Variants in PDZD2 observed in about 807,000 individuals in gnomAD.
PDZD2 encodes the protein PDZ domain-containing protein 2.
Under a neutral mutation model 220.7 loss-of-function variants are expected in PDZD2, and 90 were observed. That is an observed-to-expected ratio of 0.41 (90% CI 0.34 to 0.49). The LOEUF (loss-of-function observed/expected upper bound fraction) is 0.49, where lower values mean the gene tolerates loss of function less well. Ranked by LOEUF, PDZD2 falls within the 20% of genes least tolerant of loss-of-function variation. PDZD2 has a pLI of 0.28. For missense variants in PDZD2, 3,174 were observed against 3,608.5 expected (o/e 0.88, Z 3.08); for synonymous variants, 1,375 against 1,450.5 (o/e 0.95, Z 1.18).
chr5:32,049,162 G>C (rs1444464128), intron 8 of PDZD2, among the ~76,000 whole-genome samples: 4 of 152,024 alleles, frequency 2.6e-5, no homozygotes, highest in African/African-American at 9.7e-5. Flanking sequence ...GGCTGTAGAG[G>C]GGGGCTGCAC....
intron 1 of PDZD2, among the ~76,000 whole-genome samples, chr5:31,753,303 A>C (rs942554602): frequency 1.4e-4 from 21 of 152,216 alleles, no homozygotes; most frequent in African/African-American, 4.8e-4. Context: ...GCCAGGAGGC[A>C]ATAGGGAGTG....
intron 2 of PDZD2, chr5:31,832,502 T>G (rs184624175): frequency 6.6e-6 from 1 of 151,226 alleles, no homozygotes; most frequent in East Asian, 1.9e-4. Context: ...ACATGGCTCC[T>G]GCTCAAGGAT....
At chr5:31,740,474 G>A (rs992080718) in intron 1 of PDZD2, among the ~76,000 whole-genome samples, 19 of 135,926 alleles carry the variant, frequency 1.4e-4, no homozygotes, top group Admixed American at 5.8e-4. Context: ...GCAGTGAGCC[G>A]AGATCTTGCC....
intron 1 of PDZD2, among the ~76,000 whole-genome samples, chr5:31,673,218 TCTGTGGGG>T (rs991646902): frequency 7.2e-5 from 11 of 152,348 alleles, no homozygotes; most frequent in Admixed American, 7.2e-4. Context: ...GACCACTGGT[TCTGTGGGG>T]CTGTGAGGAC....
chr5:31,897,281 A>G (rs1463489037), intron 2 of PDZD2, among the ~76,000 whole-genome samples: 3 of 152,116 alleles, frequency 2.0e-5, no homozygotes, highest in Non-Finnish European at 4.4e-5. Context: ...GAGAAAGTAA[A>G]CCTCGAGTAT....
In PDZD2 at chr5:32,074,207, T is replaced by A; in HGVS notation, c.3101T>A (p.Leu1034His). 1 of 1,614,194 alleles carries A rather than the reference T, an allele frequency of 6.2e-7. No individual in the cohort carries two copies. Among genetic ancestry groups the A allele is most frequent in the Non-Finnish European group, 8.5e-7 (1 of 1,180,036 alleles). ...TLVSKAISAP[L>H]LGSSVDLEES... is the part of the protein sequence containing the mutation. ...GTGAGCAAGGCCATCTCGGCACCTC[T>A]TCTTGGTAGCTCAGTGGACTTAGAG... The change falls in exon 18 of 25, where the codon CTT becomes CAT. Residue 1034 changes from leucine to histidine, a missense_variant. Leu to His is a moderately conservative substitution (Grantham distance 99). Coordinates refer to ENST00000438447, the MANE Select transcript of PDZD2 (RefSeq NM_178140.4).
At chr5:31,692,594 T>G (rs910403548) in intron 1 of PDZD2, among the ~76,000 whole-genome samples, 1 of 152,192 alleles carries the variant, frequency 6.6e-6, no homozygotes. Flanking sequence ...AGCTCTGACA[T>G]CCTCATGACC....
intron 2 of PDZD2, among the ~76,000 whole-genome samples, chr5:31,915,866 G>A (rs1259307533): frequency 6.6e-6 from 1 of 152,188 alleles, no homozygotes; most frequent in African/African-American, 2.4e-5. Context: ...TACCTACAGA[G>A]CGGAGCTTTG....
chr5:31,724,918 G>A (rs1749032791), intron 1 of PDZD2, among the ~76,000 whole-genome samples: 1 of 152,152 alleles, frequency 6.6e-6, no homozygotes, highest in African/African-American at 2.4e-5. Context: ...GCAAATTATG[G>A]TCAACTAACA....
chr5:32,072,094 G>GT, intron 16 of PDZD2, 67 bp from the exon 17 acceptor site: 1 of 1,133,612 alleles, frequency 8.8e-7, no homozygotes, highest in Non-Finnish European at 1.3e-6. Flanking sequence ...AAGATAGGAC[G>GT]TAATAACCCT....
At chr5:31,896,777 T>C (rs1409869919) in intron 2 of PDZD2, among the ~76,000 whole-genome samples, 1 of 152,290 alleles carries the variant, frequency 6.6e-6, no homozygotes, top group East Asian at 1.9e-4. Flanking sequence ...TCTGGCAACA[T>C]AGACCCAGTC....
intron 6 of PDZD2, among the ~76,000 whole-genome samples, chr5:32,030,592 G>A (rs969472628): frequency 2.0e-5 from 3 of 152,110 alleles, no homozygotes; most frequent in African/African-American, 7.2e-5. Context: ...TATTTCTACT[G>A]TTTCTTTGTT....
chr5:32,038,329 G>A (rs190356594), intron 7 of PDZD2, among the ~76,000 whole-genome samples: 3,382 of 151,126 alleles, frequency 0.022, 136 homozygotes, highest in African/African-American at 0.078. Context: ...GGAGATCAAG[G>A]CTATCCTGGC....
At chr5:31,747,702 A>G (rs1211798476) in intron 1 of PDZD2, 2 of 152,250 alleles carry the variant, frequency 1.3e-5, no homozygotes, top group African/African-American at 2.4e-5. Context: ...AGAACCATCC[A>G]ATCCTTGTAC....
chr5:31,740,482 G>A (rs1385312491), intron 1 of PDZD2, among the ~76,000 whole-genome samples: 1 of 126,604 alleles, frequency 7.9e-6, no homozygotes, highest in Non-Finnish European at 1.6e-5. Context: ...CCGAGATCTT[G>A]CCACTGCACT....
intron 2 of PDZD2, among the ~76,000 whole-genome samples, chr5:31,982,271 G>T (rs1308305950): frequency 6.6e-6 from 1 of 152,182 alleles, no homozygotes; most frequent in Non-Finnish European, 1.5e-5. Flanking sequence ...ACAGTGTACT[G>T]TTGCCACCAG....
chr5:31,709,994 C>T (rs1324793722), intron 1 of PDZD2, among the ~76,000 whole-genome samples: 3 of 152,174 alleles, frequency 2.0e-5, no homozygotes, highest in Non-Finnish European at 4.4e-5. Context: ...TCTCTAAAAA[C>T]TGGTTGAAAA....
intron 6 of PDZD2, among the ~76,000 whole-genome samples, chr5:32,015,027 C>T (rs538462067): frequency 7.3e-5 from 11 of 150,862 alleles, no homozygotes; most frequent in African/African-American, 2.0e-4. Context: ...CTGCAACCTC[C>T]GCCTCCTGGG....
intron 1 of PDZD2, among the ~76,000 whole-genome samples, chr5:31,759,399 T>C (rs1178971494): frequency 6.6e-6 from 1 of 152,146 alleles, no homozygotes; most frequent in African/African-American, 2.4e-5. Flanking sequence ...TTAGCCTGAT[T>C]TGCTGGCGCT....
Sources: gnomAD v4.1 joint callset for allele counts (sites outside exome capture counted in the v4.1 genomes callset) on GRCh38, gnomAD v4.1.1 for gene constraint, MANE v1.5 for transcripts, NCBI Gene and HGNC (gene_info 2026-07-23, HGNC 2026-07-21) for gene names.